The following TXNRD1 variants were observed in gnomAD, a reference collection of about 807,000 sequenced individuals.
TXNRD1 encodes the protein thioredoxin reductase 1.
Under a neutral mutation model 80.3 loss-of-function variants are expected in TXNRD1, and 57 were observed. The ratio of observed to expected loss-of-function variants is 0.71; its 90% confidence interval spans 0.57 to 0.89. The LOEUF (loss-of-function observed/expected upper bound fraction) is 0.89. Ranked by LOEUF, TXNRD1 falls within the 40% of genes least tolerant of loss-of-function variation. The pLI is 0.00. For synonymous variants in TXNRD1, 291 were observed against 285.2 expected (o/e 1.02, Z -0.20); for missense variants, 730 against 803.0 (o/e 0.91, Z 1.10).
At chr12:104,222,651 G>A (rs895617130) in intron 1 of TXNRD1, among the ~76,000 whole-genome samples, 2 of 152,110 alleles carry the variant, frequency 1.3e-5, no homozygotes, top group Non-Finnish European at 2.9e-5. Flanking sequence ...TCAGGAGTTC[G>A]AGACCAGTCT....
chr12:104,342,658 T>C (rs1040596825), intron 16 of TXNRD1, among the ~76,000 whole-genome samples: 16 of 152,298 alleles, frequency 1.1e-4, no homozygotes, highest in African/African-American at 3.6e-4. Context: ...AATATATATT[T>C]ATTTTTTATT....
At chr12:104,342,106 G>T (rs142290515) in intron 16 of TXNRD1, among the ~76,000 whole-genome samples, 18 of 152,046 alleles carry the variant, frequency 1.2e-4, no homozygotes, top group Admixed American at 9.8e-4. Context: ...ATTTAGGGGT[G>T]TTTATAGAGG....
At position 104,248,347 on chromosome 12, in the gene TXNRD1, C is replaced by T. The variant is rs192129235; in HGVS notation, c.92-3180C>T. 2.1e-3 allele frequency among the ~76,000 whole-genome samples: 326 copies of T among 152,250 alleles called. 1 individual carries two copies. Among genetic ancestry groups the T allele is most frequent in the African/African-American group, 7.4e-3 (306 of 41,536 alleles). On this transcript the variant is annotated intron_variant, in intron 1 of 16. Coordinates refer to ENST00000525566, the MANE Select transcript of TXNRD1 (RefSeq NM_001093771.3). ...TTGCCCAGGCTGGAGTGCAGTGGTGCGATCTTGGCTCACTGCAACCTCCAC... is the reference window on the plus strand; with the variant it reads ...TTGCCCAGGCTGGAGTGCAGTGGTGTGATCTTGGCTCACTGCAACCTCCAC...
intron 1 of TXNRD1, among the ~76,000 whole-genome samples, chr12:104,241,580 C>A (rs1044070631): frequency 5.3e-5 from 8 of 151,896 alleles, no homozygotes; most frequent in Non-Finnish European, 2.9e-5. Flanking sequence ...TTTGGTCAGG[C>A]TGGTCTCGAA....
At chr12:104,236,374 G>T (rs987634216) in intron 1 of TXNRD1, among the ~76,000 whole-genome samples, 1 of 152,074 alleles carries the variant, frequency 6.6e-6, no homozygotes, top group Non-Finnish European at 1.5e-5. Flanking sequence ...CCTAATTAAG[G>T]CTCATTGGTT....
chr12:104,308,834 T>A (rs1157041327), intron 4 of TXNRD1, among the ~76,000 whole-genome samples: 1 of 152,134 alleles, frequency 6.6e-6, no homozygotes, highest in Non-Finnish European at 1.5e-5. Context: ...AAGTACCACT[T>A]AAATGGAACT....
At chr12:104,342,175 G>T (rs747414413) in intron 16 of TXNRD1, among the ~76,000 whole-genome samples, 3 of 152,032 alleles carry the variant, frequency 2.0e-5, no homozygotes, top group Non-Finnish European at 4.4e-5. Context: ...CCAATCTCCT[G>T]CTCCCTCCCC....
intron 10 of TXNRD1, among the ~76,000 whole-genome samples, chr12:104,323,356 C>A (rs895128597): frequency 6.7e-6 from 1 of 149,822 alleles, no homozygotes; most frequent in Non-Finnish European, 1.5e-5. Flanking sequence ...GGCAGAGGGG[C>A]TCCTCACTTC....
intron 4 of TXNRD1, among the ~76,000 whole-genome samples, chr12:104,310,718 C>A (rs1200306965): frequency 3.9e-5 from 6 of 152,166 alleles, no homozygotes; most frequent in Admixed American, 1.3e-4. Flanking sequence ...TGGGAGACTT[C>A]ATGCATATGC....
chr12:104,230,187 G>A (rs2032584269), intron 1 of TXNRD1, among the ~76,000 whole-genome samples: 1 of 151,610 alleles, frequency 6.6e-6, no homozygotes, highest in African/African-American at 2.4e-5. Flanking sequence ...TTCTGCTTGA[G>A]CCTCCTGAGT....
chr12:104,284,056 C>T (rs919971283), intron 3 of TXNRD1, among the ~76,000 whole-genome samples: 1 of 152,058 alleles, frequency 6.6e-6, no homozygotes, highest in African/African-American at 2.4e-5. Context: ...CTGATTGATG[C>T]TATTTTCTTA....
chr12:104,323,005 C>CT (rs1438979552), intron 10 of TXNRD1, among the ~76,000 whole-genome samples: 13 of 131,332 alleles, frequency 9.9e-5, no homozygotes, highest in African/African-American at 3.9e-4. Flanking sequence ...GGTGATGACT[C>CT]TTAACGAGCA....
chr12:104,267,719 T>TC (rs2033558583), intron 3 of TXNRD1, among the ~76,000 whole-genome samples: 4 of 41,730 alleles, frequency 9.6e-5, no homozygotes, highest in Non-Finnish European at 2.4e-4. Flanking sequence ...CTTTCTTTCT[T>TC]TCTCTTTCTT....
chr12:104,311,398 C>T lies in TXNRD1; in HGVS notation c.523C>T (p.Leu175=), dbSNP rs1266420745. The change falls in exon 5 of 17, where the codon CTG becomes TTG. Residue 175 remains leucine (L), a synonymous_variant. Coordinates refer to ENST00000525566, the MANE Select transcript of TXNRD1 (RefSeq NM_001093771.3). Reference sequence around the variant, plus strand: ...CATCATTGGAGGTGGCTCAGGAGGTCTGGCAGCTGCTAAGGCAAGGCTCCT... The same window carrying T: ...CATCATTGGAGGTGGCTCAGGAGGTTTGGCAGCTGCTAAGGCAAGGCTCCT... The part of the protein sequence containing the change: ...LIIIGGGSGG[L]AAAKEAAQYG... The T allele has an allele frequency of 1.9e-6, 3 of 1,613,490 alleles. No homozygotes were observed. The highest frequency in any genetic ancestry group is 1.7e-4 in the Middle Eastern group (1 of 6,060).
chr12:104,245,235 G>A (rs564630346), intron 1 of TXNRD1, among the ~76,000 whole-genome samples: 202 of 151,666 alleles, frequency 1.3e-3, no homozygotes, highest in African/African-American at 4.4e-3. Flanking sequence ...GTTAAGGCTC[G>A]GCGCGGTGGC....
chr12:104,216,143 G>T (rs2032202607), intron 1 of TXNRD1, among the ~76,000 whole-genome samples: 1 of 152,244 alleles, frequency 6.6e-6, no homozygotes, highest in African/African-American at 2.4e-5. Flanking sequence ...AAGGAGGAGC[G>T]GGCCCGCCGC....
chr12:104,297,501 G>A (rs1338041020), intron 4 of TXNRD1, among the ~76,000 whole-genome samples: 1 of 151,672 alleles, frequency 6.6e-6, no homozygotes, highest in Middle Eastern at 3.2e-3. Context: ...GAGTAGCTGG[G>A]ATTGCAGGCA....
At chr12:104,346,553 T>C (rs1189891443) in intron 16 of TXNRD1, among the ~76,000 whole-genome samples, 1 of 152,216 alleles carries the variant, frequency 6.6e-6, no homozygotes, top group Non-Finnish European at 1.5e-5. Context: ...TTTTTCCTCA[T>C]TATAAAAATG....
intron 14 of TXNRD1, among the ~76,000 whole-genome samples, chr12:104,332,163 A>G (rs1015891927): frequency 6.6e-5 from 10 of 152,224 alleles, no homozygotes; most frequent in Non-Finnish European, 1.3e-4. Context: ...TCTAATTTGT[A>G]CTAACTTTTC....
Sources: gnomAD v4.1 joint callset for allele counts (sites outside exome capture counted in the v4.1 genomes callset) on GRCh38, gnomAD v4.1.1 for gene constraint, MANE v1.5 for transcripts, NCBI Gene and HGNC (gene_info 2026-07-23, HGNC 2026-07-21) for gene names.